LRRC63: variants seen among roughly 807,000 people sequenced by gnomAD.
The protein encoded by LRRC63 is leucine rich repeat containing 63.
A neutral mutation model predicts 49.5 loss-of-function variants in LRRC63; 40 were observed. The ratio of observed to expected loss-of-function variants is 0.81; its 90% CI spans 0.63 to 1.05. The LOEUF (loss-of-function observed/expected upper bound fraction) is 1.05. Ranked by LOEUF, LRRC63 falls within the 50% of genes least tolerant of loss-of-function variation. The probability of loss-of-function intolerance (pLI) is 0.00; values close to 1 mark genes in which losing one functional copy is unlikely to be tolerated. For missense variants in LRRC63, 636 were observed against 663.1 expected (o/e 0.96, Z 0.45); for synonymous variants, 191 against 221.1 (o/e 0.86, Z 1.21).
At chr13:46,213,434 A>G (rs1256222908) in intron 2 of LRRC63, among the ~76,000 whole-genome samples, 1 of 152,230 alleles carries the variant, frequency 6.6e-6, no homozygotes, top group Non-Finnish European at 1.5e-5. Context: ...CCTCCAGCTG[A>G]GGTGGAACAA....
chr13:46,252,282 T>C (rs2047403886), intron 7 of LRRC63, among the ~76,000 whole-genome samples: 1 of 151,936 alleles, frequency 6.6e-6, no homozygotes, highest in African/African-American at 2.4e-5. Flanking sequence ...AAAGAAGACC[T>C]CACGGAGTGT....
intron 9 of LRRC63, among the ~76,000 whole-genome samples, chr13:46,275,354 A>G (rs73470031): frequency 0.015 from 2,256 of 152,264 alleles, 47 homozygotes; most frequent in African/African-American, 0.051. Flanking sequence ...AGATTGCTGG[A>G]TAGTATGATA....
chr13:46,235,227 TCTCTGTCCTCCTCC>T (rs2046871614), intron 5 of LRRC63, among the ~76,000 whole-genome samples: 1 of 152,188 alleles, frequency 6.6e-6, no homozygotes, highest in Admixed American at 6.5e-5. Context: ...GATGAAGTTC[TCTCTGTCCTCCTCC>T]CTCTGTCTTC....
intron 9 of LRRC63, among the ~76,000 whole-genome samples, chr13:46,273,333 G>A (rs1210727889): frequency 1.3e-5 from 2 of 152,166 alleles, no homozygotes; most frequent in Non-Finnish European, 2.9e-5. Flanking sequence ...ACCGGGCGCG[G>A]TGGCTCACTC....
intron 6 of LRRC63, among the ~76,000 whole-genome samples, chr13:46,248,217 G>C (rs968290067): frequency 6.6e-6 from 1 of 151,892 alleles, no homozygotes; most frequent in African/African-American, 2.4e-5. Flanking sequence ...AGAATTAAAA[G>C]AACATATGAC....
At chr13:46,266,459 A>T (rs1172335451) in intron 8 of LRRC63, among the ~76,000 whole-genome samples, 1 of 152,130 alleles carries the variant, frequency 6.6e-6, no homozygotes, top group Non-Finnish European at 1.5e-5. Context: ...GTGTTTGTGG[A>T]TATTTCTTTT....
intron 5 of LRRC63, among the ~76,000 whole-genome samples, chr13:46,241,910 A>G (rs2047073977): frequency 6.6e-6 from 1 of 152,170 alleles, no homozygotes; most frequent in East Asian, 1.9e-4. Context: ...AGACAGTGCA[A>G]CAATTCCTCT....
chr13:46,232,440 G>T (rs1431893038), intron 4 of LRRC63, among the ~76,000 whole-genome samples: 1 of 152,204 alleles, frequency 6.6e-6, no homozygotes, highest in African/African-American at 2.4e-5. Flanking sequence ...ACAAAAGATG[G>T]ATAATAGAGT....
chr13:46,266,728 T>A lies in LRRC63; in HGVS notation c.1311-5T>A. On this transcript the variant is annotated splice_region_variant and splice_polypyrimidine_tract_variant and intron_variant, in intron 8 of 9. Coordinates refer to ENST00000595396, the Ensembl canonical transcript of LRRC63. The stretch of plus-strand genomic sequence containing the variant: ...CTTTTAAAGTGTGGTTTCCTTTATT[T>A]ACAGATCACTTGAAAAACTGACTGT... 1 of 1,534,070 alleles carries A rather than the reference T, an allele frequency of 6.5e-7. No individual in the cohort carries two copies. Among genetic ancestry groups the A allele is most frequent in the Non-Finnish European group, 8.8e-7 (1 of 1,141,182 alleles).
At chr13:46,234,426 A>C (rs529958086) in intron 5 of LRRC63, 77 bp downstream of exon 5, 4 of 1,390,056 alleles carry the variant, frequency 2.9e-6, no homozygotes, top group Non-Finnish European at 3.9e-6. Context: ...AATATAGATT[A>C]GTTTCCATGG....
chr13:46,232,084 G>C (rs146475650), intron 4 of LRRC63, among the ~76,000 whole-genome samples: 1,861 of 151,986 alleles, frequency 0.012, 39 homozygotes, highest in African/African-American at 0.042. Context: ...CAAAGTGCTG[G>C]GATTACAGGC....
chr13:46,265,033 G>T (rs948110441), intron 8 of LRRC63, among the ~76,000 whole-genome samples: 1 of 152,086 alleles, frequency 6.6e-6, no homozygotes, highest in Non-Finnish European at 1.5e-5. Context: ...GGTGGTGGAT[G>T]CCTGTAATCC....
chr13:46,219,857 C>T (rs964815104), intron 2 of LRRC63, among the ~76,000 whole-genome samples: 3 of 152,190 alleles, frequency 2.0e-5, no homozygotes, highest in African/African-American at 7.2e-5. Flanking sequence ...ATCAGTCTGG[C>T]CCCTCTGCTG....
intron 6 of LRRC63, among the ~76,000 whole-genome samples, chr13:46,248,326 A>T (rs1474757481): frequency 6.6e-6 from 1 of 152,024 alleles, no homozygotes; most frequent in African/African-American, 2.4e-5. Context: ...AAAGATACAG[A>T]TAGTCAAACT....
intron 8 of LRRC63, among the ~76,000 whole-genome samples, chr13:46,264,589 C>G (rs2047657618): frequency 6.6e-6 from 1 of 152,060 alleles, no homozygotes; most frequent in Admixed American, 6.5e-5. Context: ...CTCTGCGTGT[C>G]TGTGTGTGCT....
chr13:46,246,475 A>G, intron 5 of LRRC63, 52 bp from the exon 6 acceptor site: 1 of 848,670 alleles, frequency 1.2e-6, no homozygotes, highest in Non-Finnish European at 1.7e-6. Flanking sequence ...TGTATAAACT[A>G]TTTTGTGCCT....
Position 46,250,558 on chromosome 13 carries a change from C to G in LRRC63, c.1226+67C>G, listed in dbSNP as rs576406137. 9.1e-6 allele frequency: 12 copies of G among 1,317,504 alleles called. No individual in the cohort carries two copies. In the African/African-American group the frequency reaches 1.2e-4, roughly 13 times the overall value. 81.6% of individuals were successfully genotyped at this position (1,317,504 alleles called of 1,614,324 possible). A position where few individuals can be genotyped will look rare whatever the true frequency, so the allele number is the denominator to read the frequency against. On this transcript the variant is annotated intron_variant, in intron 7 of 9. Transcript: ENST00000595396. ...CATAATTTCGAAAAAGATCAATTTC[C>G]CCTTTCAAAGCAGCTAGCAGCTTTT...
intron 2 of LRRC63, among the ~76,000 whole-genome samples, chr13:46,218,988 C>T (rs1015574844): frequency 2.6e-5 from 4 of 152,204 alleles, no homozygotes; most frequent in Admixed American, 6.5e-5. Context: ...GTCTGATGGA[C>T]TTCCCTTTGA....
At chr13:46,227,075 T>A (rs186023074) in intron 2 of LRRC63, among the ~76,000 whole-genome samples, 1 of 152,338 alleles carries the variant, frequency 6.6e-6, no homozygotes, top group Admixed American at 6.5e-5. Flanking sequence ...TGGTCTGACA[T>A]CTGGCATTTA....
Sources: allele counts gnomAD v4.1 joint callset (sites outside exome capture counted in the v4.1 genomes callset), GRCh38; gene constraint gnomAD v4.1.1; transcripts MANE v1.5; gene names NCBI Gene and HGNC (gene_info 2026-07-23, HGNC 2026-07-21).